LINGO2: variants seen among roughly 807,000 people sequenced by gnomAD.
LINGO2 encodes leucine-rich repeat and immunoglobulin-like domain-containing nogo receptor-interacting protein 2.
A neutral mutation model predicts 30.6 loss-of-function variants in LINGO2; 14 were observed. The ratio of observed to expected loss-of-function variants is 0.46; its 90% confidence interval spans 0.30 to 0.72. The LOEUF (loss-of-function observed/expected upper bound fraction) is 0.72. Ranked by LOEUF, LINGO2 falls within the 30% of genes least tolerant of loss-of-function variation. LINGO2 has a pLI of 0.07. For missense variants in LINGO2, 729 were observed against 751.7 expected (o/e 0.97, Z 0.35); for synonymous variants, 317 against 288.5 (o/e 1.10, Z -1.00).
At chr9:28,118,349 G>C (rs1826995294) in intron 4 of LINGO2, among the ~76,000 whole-genome samples, 1 of 152,184 alleles carries the variant, frequency 6.6e-6, no homozygotes, top group Non-Finnish European at 1.5e-5. Context: ...TATTTAGATT[G>C]ATTTGAACTT....
At chr9:28,451,418 C>T (rs561109083) in intron 2 of LINGO2, among the ~76,000 whole-genome samples, 20 of 151,690 alleles carry the variant, frequency 1.3e-4, no homozygotes, top group Non-Finnish European at 2.5e-4. Context: ...CAAACAGGTT[C>T]GATAAAGCTT....
Position 28,530,900 on chromosome 9 carries a change from C to T in LINGO2, c.-364-54875G>A, listed in dbSNP as rs571837460. On this transcript the variant is annotated intron_variant, in intron 1 of 5. Coordinates refer to ENST00000379992, the Ensembl canonical transcript of LINGO2. ...CTAGTCTTTTTTCTAATGTCTCATA[C>T]CGTTCTTCACAATGTCATATGCCAA... is the stretch of plus-strand genomic sequence containing the variant. Among the ~76,000 whole-genome samples the T allele has an allele frequency of 2.4e-3, 366 of 151,750 alleles. 1 individual carries two copies. The highest frequency in any genetic ancestry group is 6.7e-3 in the African/African-American group (278 of 41,460).
chr9:28,972,000 T>C, the LINGO2 span, among the ~76,000 whole-genome samples: 3 of 152,344 alleles, frequency 2.0e-5, no homozygotes, highest in Non-Finnish European at 4.4e-5. Flanking sequence ...CAAGAGTCTC[T>C]ACCTGGTAAT....
intron 1 of LINGO2, among the ~76,000 whole-genome samples, chr9:28,662,512 G>A (rs1828622103): frequency 1.3e-5 from 2 of 152,206 alleles, no homozygotes; most frequent in Admixed American, 6.5e-5. Flanking sequence ...TTATTCTGCT[G>A]TGACCACATT....
intron 4 of LINGO2, among the ~76,000 whole-genome samples, chr9:28,094,477 T>C (rs1422314504): frequency 6.6e-6 from 1 of 152,016 alleles, no homozygotes; most frequent in African/African-American, 2.4e-5. Flanking sequence ...TTGAGCTGTA[T>C]TTTGCATGAT....
chr9:29,063,401 T>G, the LINGO2 span, among the ~76,000 whole-genome samples: 1 of 151,446 alleles, frequency 6.6e-6, no homozygotes, highest in African/African-American at 2.4e-5. Context: ...GCAATCTATT[T>G]ACACCTTTTT....
the LINGO2 span, among the ~76,000 whole-genome samples, chr9:28,947,946 C>G: frequency 3.3e-5 from 5 of 151,896 alleles, no homozygotes; most frequent in African/African-American, 1.2e-4. Flanking sequence ...CTCTTGGGAA[C>G]ATGGAAAATA....
chr9:28,583,777 C>T (rs1038384891), intron 1 of LINGO2, among the ~76,000 whole-genome samples: 15 of 151,996 alleles, frequency 9.9e-5, no homozygotes, highest in Non-Finnish European at 2.1e-4. Flanking sequence ...GTAGTTGATG[C>T]TGACATGGTT....
chr9:28,876,687 T>A, the LINGO2 span, among the ~76,000 whole-genome samples: 2 of 152,140 alleles, frequency 1.3e-5, no homozygotes, highest in Admixed American at 1.3e-4. Context: ...TCTTTGCTAT[T>A]GTGAATAGTG....
chr9:29,122,424 A>T, the LINGO2 span, among the ~76,000 whole-genome samples: 9 of 152,090 alleles, frequency 5.9e-5, no homozygotes, highest in African/African-American at 2.2e-4. Context: ...GGCTCCAATA[A>T]GACTACACAA....
At chr9:27,962,556 A>G (rs998944218) in intron 5 of LINGO2, among the ~76,000 whole-genome samples, 2 of 152,102 alleles carry the variant, frequency 1.3e-5, no homozygotes, top group East Asian at 3.9e-4. Context: ...CCCCCCTTCT[A>G]CGACTGTCCT....
At chr9:28,728,640 A>G in the LINGO2 span, among the ~76,000 whole-genome samples, 7,568 of 152,166 alleles carry the variant, frequency 0.05, 213 homozygotes, top group Middle Eastern at 0.078. Context: ...TACTGCTAAT[A>G]TCGCTCTCCC....
At position 28,253,286 on chromosome 9, in the gene LINGO2, A is replaced by C. The variant is rs1192455872; in HGVS notation, c.-87+41922T>G. 2.0e-5 allele frequency among the ~76,000 whole-genome samples: 3 copies of C among 152,252 alleles called. No individual in the cohort carries two copies. The East Asian group carries it at 5.8e-4, about 30-fold the overall frequency. ...CAGGTGCCCAATGGGAAAGTCCATC[A>C]ACAAGCATTTATTGACCACTTAACT... On this transcript the variant is annotated intron_variant, in intron 4 of 5. Coordinates refer to ENST00000379992, the Ensembl canonical transcript of LINGO2.
chr9:28,518,594 A>AT (rs1564260907), intron 1 of LINGO2, among the ~76,000 whole-genome samples: 1 of 152,216 alleles, frequency 6.6e-6, no homozygotes, highest in Non-Finnish European at 1.5e-5. Context: ...ACATTCTTTG[A>AT]TGATGAATCA....
the LINGO2 span, among the ~76,000 whole-genome samples, chr9:29,135,043 C>T: frequency 6.6e-6 from 1 of 151,936 alleles, no homozygotes; most frequent in Non-Finnish European, 1.5e-5. Context: ...TAAAACTATA[C>T]ATGAAAGCAA....
intron 4 of LINGO2, among the ~76,000 whole-genome samples, chr9:28,091,264 C>T (rs1379565784): frequency 6.6e-6 from 1 of 152,186 alleles, no homozygotes; most frequent in Admixed American, 6.5e-5. Context: ...CAAGTCAATG[C>T]TAAGCCAAAA....
the LINGO2 span, among the ~76,000 whole-genome samples, chr9:29,131,235 G>C: frequency 3.9e-5 from 6 of 152,038 alleles, no homozygotes. Flanking sequence ...AAAATAACAG[G>C]TAACTATTTT....
At chr9:28,667,676 G>A (rs770911789) in intron 1 of LINGO2, among the ~76,000 whole-genome samples, 38 of 152,212 alleles carry the variant, frequency 2.5e-4, no homozygotes, top group Admixed American at 1.2e-3. Context: ...CCCAGTTGGC[G>A]GAGGTTGCAG....
At chr9:29,020,739 T>C in the LINGO2 span, among the ~76,000 whole-genome samples, 5 of 151,836 alleles carry the variant, frequency 3.3e-5, no homozygotes, top group African/African-American at 1.2e-4. Flanking sequence ...TATATGCCAT[T>C]AAGAAAGGAA....
Sources: gnomAD v4.1 joint callset for allele counts (sites outside exome capture counted in the v4.1 genomes callset) on GRCh38, gnomAD v4.1.1 for gene constraint, MANE v1.5 for transcripts, NCBI Gene and HGNC (gene_info 2026-07-23, HGNC 2026-07-21) for gene names.